The following DLGAP2 variants were observed in gnomAD, a reference collection of about 807,000 sequenced individuals.
The protein encoded by DLGAP2 is DLG associated protein 2, also known as disks large-associated protein 2.
Under a neutral mutation model 100.3 loss-of-function variants are expected in DLGAP2, and 26 were observed. That is an observed-to-expected ratio of 0.26 (90% CI 0.19 to 0.36). The LOEUF is 0.36. Ranked by LOEUF, DLGAP2 falls within the 10% of genes least tolerant of loss-of-function variation. The probability of loss-of-function intolerance (pLI) is 1.00; values close to 1 mark genes in which losing one functional copy is unlikely to be tolerated. For missense variants in DLGAP2, 1,858 were observed against 1,453.2 expected (o/e 1.28, Z -4.53); for synonymous variants, 886 against 630.1 (o/e 1.41, Z -6.08).
At chr8:1,131,190 C>A (rs1439653575) in intron 2 of DLGAP2, among the ~76,000 whole-genome samples, 2 of 152,148 alleles carry the variant, frequency 1.3e-5, no homozygotes, top group Non-Finnish European at 2.9e-5. Context: ...TCCCAGGTTT[C>A]AGGGGCCCCA....
chr8:1,458,527 A>G (rs989377316), intron 3 of DLGAP2, among the ~76,000 whole-genome samples: 6 of 152,240 alleles, frequency 3.9e-5, no homozygotes, highest in Non-Finnish European at 7.3e-5. Context: ...GTTACCTGGC[A>G]TCATGAATAA....
At chr8:964,789 T>C (rs1799807137) in intron 2 of DLGAP2, among the ~76,000 whole-genome samples, 1 of 152,244 alleles carries the variant, frequency 6.6e-6, no homozygotes, top group Non-Finnish European at 1.5e-5. Context: ...CTTGCTGCTC[T>C]GTGCAGATTC....
chr8:1,623,331 C>G (rs908929147), intron 6 of DLGAP2, among the ~76,000 whole-genome samples: 1 of 152,070 alleles, frequency 6.6e-6, no homozygotes, highest in Non-Finnish European at 1.5e-5. Flanking sequence ...GTGTGATGAC[C>G]TGGCACCAGT....
intron 4 of DLGAP2, among the ~76,000 whole-genome samples, chr8:1,535,170 C>T (rs977467230): frequency 1.3e-5 from 2 of 152,218 alleles, no homozygotes; most frequent in African/African-American, 4.8e-5. Context: ...CCCAGAAGTC[C>T]CCCCAGGGGT....
At chr8:946,928 G>C (rs1240379329) in intron 2 of DLGAP2, among the ~76,000 whole-genome samples, 1 of 152,316 alleles carries the variant, frequency 6.6e-6, no homozygotes, top group East Asian at 1.9e-4. Context: ...CGGCCGCCCT[G>C]TCCTGCTGCC....
intron 2 of DLGAP2, among the ~76,000 whole-genome samples, chr8:1,101,732 G>A (rs902083726): frequency 6.5e-5 from 8 of 123,534 alleles, no homozygotes; most frequent in African/African-American, 2.1e-4. Context: ...ACGACACGAC[G>A]ATGGGAAGCT....
chr8:1,050,977 G>GT (rs200232766), intron 2 of DLGAP2, among the ~76,000 whole-genome samples: 28 of 110,752 alleles, frequency 2.5e-4, no homozygotes, highest in Non-Finnish European at 3.8e-4. Context: ...TTCGTGGGTG[G>GT]GGGTCATTTC....
chr8:1,696,867 T>C (rs542335249), intron 13 of DLGAP2, among the ~76,000 whole-genome samples: 1 of 152,308 alleles, frequency 6.6e-6, no homozygotes, highest in East Asian at 1.9e-4. Flanking sequence ...TTTTATGAGC[T>C]GTGAAGCATT....
In DLGAP2 at chr8:1,676,523, G is replaced by A. The variant is rs1798814547; in HGVS notation, c.2203-10G>A. The A allele has an allele frequency of 6.2e-7, 1 of 1,611,800 alleles. No homozygotes were observed. The highest frequency in any genetic ancestry group is 2.2e-5 in the East Asian group (1 of 44,790). On this transcript the variant is annotated splice_polypyrimidine_tract_variant and intron_variant, in intron 10 of 14. Coordinates refer to ENST00000637795, the MANE Select transcript of DLGAP2 (RefSeq NM_001346810.2). ...TCAGTTCTAAAATAAGACGTTCTCT[G>A]TTGAATTAGGTGGAAACGGCCACAG... is the stretch of plus-strand genomic sequence containing the variant.
At chr8:1,036,983 G>A (rs768027681) in intron 2 of DLGAP2, among the ~76,000 whole-genome samples, 42 of 152,140 alleles carry the variant, frequency 2.8e-4, no homozygotes, top group South Asian at 6.2e-4. Flanking sequence ...ATAAGGGGCC[G>A]TGGAGCCTCC....
chr8:1,200,114 G>C (rs1797838283), intron 2 of DLGAP2, among the ~76,000 whole-genome samples: 1 of 152,108 alleles, frequency 6.6e-6, no homozygotes, highest in African/African-American at 2.4e-5. Context: ...TCGGGGGCGT[G>C]GGGGCCGGGA....
intron 2 of DLGAP2, among the ~76,000 whole-genome samples, chr8:1,180,517 C>T (rs946851977): frequency 6.6e-6 from 1 of 152,070 alleles, no homozygotes; most frequent in Non-Finnish European, 1.5e-5. Flanking sequence ...GTTGCATCAC[C>T]ATGGATTATC....
intron 5 of DLGAP2, among the ~76,000 whole-genome samples, chr8:1,555,833 G>A (rs955509654): frequency 1.3e-5 from 2 of 152,244 alleles, no homozygotes; most frequent in South Asian, 2.1e-4. Flanking sequence ...GGATGTTGAA[G>A]GGTGTCTGGT....
chr8:1,336,257 C>G (rs1332965831), intron 3 of DLGAP2, among the ~76,000 whole-genome samples: 1 of 152,194 alleles, frequency 6.6e-6, no homozygotes, highest in Non-Finnish European at 1.5e-5. Flanking sequence ...TGATTCAATG[C>G]TAGCATGGAA....
At chr8:1,110,166 G>A (rs1287171967) in intron 2 of DLGAP2, among the ~76,000 whole-genome samples, 2 of 147,356 alleles carry the variant, frequency 1.4e-5, no homozygotes, top group Non-Finnish European at 1.5e-5. Context: ...GTGTGCACGG[G>A]TCTGTGAGGT....
At chr8:776,136 A>G (rs879697973) in intron 1 of DLGAP2, among the ~76,000 whole-genome samples, 13 of 150,802 alleles carry the variant, frequency 8.6e-5, no homozygotes, top group East Asian at 1.9e-4. Context: ...GTTTATTTGC[A>G]TAGAGGTGTT....
chr8:1,629,455 G>T (rs561613303), intron 7 of DLGAP2, among the ~76,000 whole-genome samples: 3 of 152,134 alleles, frequency 2.0e-5, no homozygotes, highest in African/African-American at 7.2e-5. Flanking sequence ...AACATCAACT[G>T]ATCCTCCCCA....
At chr8:1,438,612 G>A (rs553915589) in intron 3 of DLGAP2, among the ~76,000 whole-genome samples, 1 of 152,252 alleles carries the variant, frequency 6.6e-6, no homozygotes, top group African/African-American at 2.4e-5. Context: ...GGAAAGAACC[G>A]AGAACTATTT....
intron 3 of DLGAP2, among the ~76,000 whole-genome samples, chr8:1,318,350 A>G (rs937272336): frequency 5.9e-5 from 9 of 151,750 alleles, no homozygotes; most frequent in African/African-American, 2.2e-4. Flanking sequence ...TCCTGGATTT[A>G]TTTTCAAAAC....
Sources: allele counts gnomAD v4.1 joint callset (sites outside exome capture counted in the v4.1 genomes callset), GRCh38; gene constraint gnomAD v4.1.1; transcripts MANE v1.5; gene names NCBI Gene and HGNC (gene_info 2026-07-23, HGNC 2026-07-21).